The following LINGO1 variants were observed in gnomAD, a reference collection of about 807,000 sequenced individuals.
LINGO1 encodes leucine-rich repeat and immunoglobulin-like domain-containing nogo receptor-interacting protein 1.
LINGO1 carries 11 observed loss-of-function variants against 37.3 expected under a neutral mutation model. That is an observed-to-expected ratio of 0.29 (90% CI 0.19 to 0.49). The LOEUF (loss-of-function observed/expected upper bound fraction) is 0.49, where lower values mean the gene tolerates loss of function less well. Ranked by LOEUF, LINGO1 falls within the 20% of genes least tolerant of loss-of-function variation. The probability of loss-of-function intolerance (pLI) is 0.99; values close to 1 mark genes in which losing one functional copy is unlikely to be tolerated. For synonymous variants in LINGO1, 387 were observed against 403.0 expected (o/e 0.96, Z 0.48); for missense variants, 585 against 878.2 (o/e 0.67, Z 4.22).
At chr15:77,668,462 A>AACTGTC (rs1382627357) in intron 3 of LINGO1, among the ~76,000 whole-genome samples, 20 of 152,206 alleles carry the variant, frequency 1.3e-4, no homozygotes, top group Non-Finnish European at 2.9e-5. Flanking sequence ...TCACAGGCTG[A>AACTGTC]ACTGTCACGC....
chr15:77,614,908 G>T lies in LINGO1; in HGVS notation c.999C>A (p.Gly333=). The T allele has an allele frequency of 6.2e-7, 1 of 1,613,982 alleles. No individual in the cohort carries two copies. Among genetic ancestry groups the T allele is most frequent in the Non-Finnish European group, 8.5e-7 (1 of 1,179,898 alleles). Residue 333 remains glycine, a synonymous_variant, in exon 2 of 2, where the codon GGC becomes GGA. Coordinates refer to ENST00000355300, the MANE Select transcript of LINGO1 (RefSeq NM_032808.7). The part of the protein sequence containing the change: ...LAVVEPYAFR[G]LNYLRVLNVS... Reference sequence around the variant, plus strand: ...CATTGAGCACGCGCAGGTAGTTGAGGCCGCGGAAGGCATAGGGCTCCACCA... The same window carrying T: ...CATTGAGCACGCGCAGGTAGTTGAGTCCGCGGAAGGCATAGGGCTCCACCA...
intron 1 of LINGO1, among the ~76,000 whole-genome samples, chr15:77,621,015 G>T (rs941893244): frequency 7.9e-5 from 12 of 151,946 alleles, no homozygotes; most frequent in Admixed American, 7.9e-4. Context: ...AAAGGGAAGG[G>T]ACTAACACTT....
At chr15:77,616,016 TAGAG>T (rs917026983) in intron 1 of LINGO1, 116 bp from the exon 2 acceptor site, 4 of 689,576 alleles carry the variant, frequency 5.8e-6, no homozygotes, top group African/African-American at 5.4e-5. Context: ...CTGATGCAGA[TAGAG>T]AGGCAGGGTC....
intron 1 of LINGO1, among the ~76,000 whole-genome samples, chr15:77,777,784 A>G (rs1368873244): frequency 1.3e-5 from 2 of 152,110 alleles, no homozygotes; most frequent in Non-Finnish European, 2.9e-5. Flanking sequence ...CTAGCCAGGT[A>G]TGGTGGCACA....
chr15:77,713,407 G>A (rs1027384850), intron 2 of LINGO1, among the ~76,000 whole-genome samples: 1 of 151,944 alleles, frequency 6.6e-6, no homozygotes, highest in Non-Finnish European at 1.5e-5. Context: ...ATCAATCTCA[G>A]AAGGTGATAT....
intron 1 of LINGO1, among the ~76,000 whole-genome samples, chr15:77,753,289 T>C (rs1348317034): frequency 6.6e-6 from 1 of 152,244 alleles, no homozygotes; most frequent in Non-Finnish European, 1.5e-5. Flanking sequence ...ACCAGGGCTG[T>C]AGGTCAGCTC....
intron 2 of LINGO1, among the ~76,000 whole-genome samples, chr15:77,723,416 C>T (rs567823633): frequency 1.8e-4 from 27 of 152,118 alleles, no homozygotes; most frequent in Non-Finnish European, 3.1e-4. Context: ...AGGATGAAGG[C>T]GGTGGATAAT....
At chr15:77,685,706 C>A (rs1022280268) in intron 2 of LINGO1, among the ~76,000 whole-genome samples, 75 of 116,970 alleles carry the variant, frequency 6.4e-4, no homozygotes, top group African/African-American at 2.4e-3. Flanking sequence ...AAAAAAAAAA[C>A]GCCAGGAATG....
At chr15:77,686,514 C>T (rs79727669) in intron 2 of LINGO1, among the ~76,000 whole-genome samples, 9,652 of 152,306 alleles carry the variant, frequency 0.063, 398 homozygotes, top group Non-Finnish European at 0.09. Flanking sequence ...TCTGTTTCTT[C>T]TTCCATGGAA....
intron 2 of LINGO1, among the ~76,000 whole-genome samples, chr15:77,682,452 C>T (rs2075433059): frequency 6.6e-6 from 1 of 152,032 alleles, no homozygotes; most frequent in South Asian, 2.1e-4. Context: ...GTTCCTATGT[C>T]CATGTGTCCC....
upstream of LINGO1, among the ~76,000 whole-genome samples, chr15:77,635,731 G>A (rs531909027): frequency 2.7e-4 from 41 of 152,344 alleles, no homozygotes; most frequent in South Asian, 6.4e-3. Flanking sequence ...CCTCTCCCCA[G>A]ACTGAAATGA....
At chr15:77,673,832 C>T (rs1214940431) in intron 3 of LINGO1, among the ~76,000 whole-genome samples, 1 of 152,154 alleles carries the variant, frequency 6.6e-6, no homozygotes, top group South Asian at 2.1e-4. Context: ...TCACCATTTA[C>T]GTGTCCACTG....
At chr15:77,782,953 G>T (rs149059616) in intron 1 of LINGO1, among the ~76,000 whole-genome samples, 21 of 151,732 alleles carry the variant, frequency 1.4e-4, no homozygotes, top group Non-Finnish European at 2.5e-4. Flanking sequence ...TCCCACCCCT[G>T]TCCCCGCTCT....
At chr15:77,673,833 G>A (rs148135662) in intron 3 of LINGO1, among the ~76,000 whole-genome samples, 4 of 152,130 alleles carry the variant, frequency 2.6e-5, no homozygotes, top group East Asian at 1.9e-4. Context: ...CACCATTTAC[G>A]TGTCCACTGC....
intron 1 of LINGO1, among the ~76,000 whole-genome samples, chr15:77,785,975 A>G (rs574714359): frequency 1.1e-4 from 17 of 152,280 alleles, no homozygotes; most frequent in Admixed American, 2.0e-4. Flanking sequence ...AGGCGGGGGA[A>G]GGGCACAGAG....
chr15:77,686,967 G>T (rs1170424176), intron 2 of LINGO1, among the ~76,000 whole-genome samples: 1 of 152,194 alleles, frequency 6.6e-6, no homozygotes, highest in African/African-American at 2.4e-5. Context: ...GCCTTGCCCA[G>T]AGACAGCAGA....
chr15:77,642,917 A>G (rs2074541654), intron 3 of LINGO1, among the ~76,000 whole-genome samples: 1 of 152,210 alleles, frequency 6.6e-6, no homozygotes, highest in African/African-American at 2.4e-5. Context: ...GCAGATGCAC[A>G]GAGAGGTGCC....
intron 3 of LINGO1, chr15:77,666,997 C>T (rs1248530553): frequency 6.6e-6 from 1 of 152,278 alleles, no homozygotes; most frequent in Non-Finnish European, 1.5e-5. Flanking sequence ...CAGAGGGACA[C>T]TGAGATGAGC....
chr15:77,779,151 C>A (rs1469799837), intron 1 of LINGO1, among the ~76,000 whole-genome samples: 1 of 152,078 alleles, frequency 6.6e-6, no homozygotes, highest in South Asian at 2.1e-4. Flanking sequence ...CAGAGAGGCA[C>A]CCCCACTGCT....
Sources: allele counts gnomAD v4.1 joint callset (sites outside exome capture counted in the v4.1 genomes callset), GRCh38; gene constraint gnomAD v4.1.1; transcripts MANE v1.5; gene names NCBI Gene and HGNC (gene_info 2026-07-23, HGNC 2026-07-21).